The following MED29 variants were observed in gnomAD, a reference collection of about 807,000 sequenced individuals.
MED29 encodes mediator of RNA polymerase II transcription subunit 29.
In MED29, 14 loss-of-function variants were observed where a neutral mutation model predicts 22.0. The ratio of observed to expected loss-of-function variants is 0.64; its 90% confidence interval spans 0.42 to 0.99. MED29 has a LOEUF of 0.99. Among genes scored for constraint, MED29 ranks in the 50% least tolerant of loss-of-function variants. MED29 has a pLI of 0.00. For synonymous variants in MED29, 123 were observed against 107.8 expected, an observed-to-expected ratio of 1.14 and a Z score of -0.87; for missense variants, 241 against 253.7, an observed-to-expected ratio of 0.95 and a Z score of 0.34.
intron 2 of MED29, 106 bp from the exon 3 acceptor site, chr19:39,393,447 T>C: frequency 1.9e-6 from 2 of 1,047,668 alleles, no homozygotes; most frequent in Non-Finnish European, 3.0e-6. Flanking sequence ...ACTTCAGATC[T>C]CCTGGACCTG....
At position 39,391,402 on chromosome 19, in the gene MED29, C is replaced by G. The variant is rs543054374; in HGVS notation, c.-21C>G. ...GGAGAGACGCAGTCGTAACGCACTT[C>G]CGGCGGTCTACGCGAGGAAGATGGC... On this transcript the variant is annotated 5_prime_UTR_variant, in exon 1 of 4. Transcript: ENST00000315588. 6 of 1,607,726 alleles carry G rather than the reference C, an allele frequency of 3.7e-6. 1 individual carries two copies. The South Asian group carries it at 6.6e-5, about 18-fold the overall frequency.
At position 39,397,800 on chromosome 19, in the gene MED29, C is replaced by T; in HGVS notation, c.*101C>T. ...AACACAGCAGCCTCCTCTCTTCCTG[C>T]CTGAGCACCGCAGCGGGAGCCAGCA... On this transcript the variant is annotated 3_prime_UTR_variant, in exon 4 of 4. Transcript: ENST00000315588. The T allele has an allele frequency of 1.3e-6, 2 of 1,491,728 alleles. No homozygotes were observed. The highest frequency in any genetic ancestry group is 1.8e-6 in the Non-Finnish European group (2 of 1,118,496). 92.4% of individuals were successfully genotyped at this position (1,491,728 alleles called of 1,614,324 possible).
chr19:39,396,195 T>C (rs4803234), intron 3 of MED29, among the ~76,000 whole-genome samples: 146,478 of 152,324 alleles, frequency 0.96, 70,481 homozygotes, highest in East Asian at 1. Context: ...AACTCCAGCA[T>C]TTTGGGAGCC....
In MED29 at chr19:39,397,471, G is replaced by T. The variant is rs746927119; in HGVS notation, c.375G>T (p.Glu125Asp). 8 of 1,606,448 alleles carry T rather than the reference G, an allele frequency of 5.0e-6. No homozygotes were observed. The Admixed American group carries it at 1.3e-4, about 27-fold the overall frequency. Reference sequence around the variant, plus strand: ...CCTGTCCACAGCGCCTGGCGCATGAGTGCCTGTCACAGAGTTGTGACAGTG... The same window carrying T: ...CCTGTCCACAGCGCCTGGCGCATGATTGCCTGTCACAGAGTTGTGACAGTG... ...QLELCLRLAHECLSQSCDSAK... is the reference protein window; with the variant it reads ...QLELCLRLAHDCLSQSCDSAK... Residue 125 changes from glutamate to aspartate, a missense_variant, in exon 4 of 4, where the codon GAG (glutamate) becomes GAT (aspartate). Physicochemically the swap from Glu to Asp is conservative, Grantham distance 45. Transcript: ENST00000315588.
chr19:39,397,332 C>A (rs1600627514), intron 3 of MED29, 125 bp from the exon 4 acceptor site: 1 of 1,046,982 alleles, frequency 9.6e-7, no homozygotes, highest in East Asian at 2.4e-5. Flanking sequence ...ACTGGCAGGG[C>A]CAACCTCTGA....
chr19:39,391,383 A>T lies in MED29; in HGVS notation c.-40A>T. ...GGATGCTGAAAAGCAACGGGGAGAG[A>T]CGCAGTCGTAACGCACTTCCGGCGG... is the stretch of plus-strand genomic sequence containing the variant. On this transcript the variant is annotated 5_prime_UTR_variant, in exon 1 of 4. Transcript: ENST00000315588. The T allele has an allele frequency of 6.2e-7, 1 of 1,600,788 alleles. No homozygotes were observed. The highest frequency in any genetic ancestry group is 1.1e-5 in the South Asian group (1 of 90,650).
rs143502478 is a variant in MED29, at chr19:39,397,488, G to T, written c.392G>T (p.Cys131Phe). The T allele has an allele frequency of 2.0e-5, 32 of 1,609,252 alleles. No homozygotes were observed. The African/African-American group carries it at 3.9e-4, about 19-fold the overall frequency. The change falls in exon 4 of 4, where the codon TGT (cysteine) becomes TTT (phenylalanine). Residue 131 changes from cysteine to phenylalanine, a missense_variant. Transcript: ENST00000315588. ...GCGCATGAGTGCCTGTCACAGAGTT[G>T]TGACAGTGCCAAGCACTCTCCAACG... ...RLAHECLSQSCDSAKHSPTLV... is the reference protein window; with the variant it reads ...RLAHECLSQSFDSAKHSPTLV...
In MED29 at chr19:39,392,452, T is replaced by C. The variant is rs1159217101; in HGVS notation, c.217-12T>C. On this transcript the variant is annotated splice_polypyrimidine_tract_variant and intron_variant, in intron 1 of 3. Coordinates refer to ENST00000315588, the MANE Select transcript of MED29 (RefSeq NM_017592.4). ...TTCCATTTCCCACGTGTTTTGTTTT[T>C]GTTTTGACTAGACCTTGATGAAGGT... is the stretch of plus-strand genomic sequence containing the variant. The C allele has an allele frequency of 6.2e-7, 1 of 1,613,922 alleles. No individual in the cohort carries two copies. The highest frequency in any genetic ancestry group is 1.7e-5 in the Admixed American group (1 of 60,020).
intron 2 of MED29, 56 bp downstream of exon 2, chr19:39,392,578 C>A: frequency 1.2e-4 from 159 of 1,345,262 alleles, no homozygotes; most frequent in Non-Finnish European, 1.6e-4. Flanking sequence ...CTTTGAAATT[C>A]ATCTTTCCTT....
chr19:39,395,052 C>A (rs1057258072), intron 3 of MED29, among the ~76,000 whole-genome samples: 1 of 151,910 alleles, frequency 6.6e-6, no homozygotes. Flanking sequence ...CGGGGTTTTG[C>A]CATGTTGCTC....
chr19:39,391,444 G>A lies in MED29; in HGVS notation c.22G>A (p.Ala8Thr). Residue 8 changes from alanine to threonine, a missense_variant, in exon 1 of 4, where the codon GCT becomes ACT. Coordinates refer to ENST00000315588, the MANE Select transcript of MED29 (RefSeq NM_017592.4). MAASQQQ[A>T]SAASSAAGVS... ...GAAGATGGCTGCATCCCAGCAGCAA[G>A]CTTCAGCGGCTTCCTCAGCTGCTGG... is the stretch of plus-strand genomic sequence containing the variant. 1 of 1,613,238 alleles carries A rather than the reference G, an allele frequency of 6.2e-7. No individual in the cohort carries two copies. The highest frequency in any genetic ancestry group is 8.5e-7 in the Non-Finnish European group (1 of 1,179,398).
rs2078456616 is a variant in MED29, at chr19:39,400,518, G to A, written c.*2819G>A. ...ATGAAATGTAACATCTGCATATGGA[G>A]AATCGTGTTACTTTATTGAAAAACA... On this transcript the variant is annotated 3_prime_UTR_variant, in exon 4 of 4. Coordinates refer to ENST00000315588, the MANE Select transcript of MED29 (RefSeq NM_017592.4). 1 of 152,224 alleles carries A rather than the reference G, an allele frequency of 6.6e-6. No homozygotes were observed. The highest frequency in any genetic ancestry group is 2.1e-4 in the South Asian group (1 of 4,830). The allele number at this position is 152,224 out of a possible 1,614,324, so 9.4% of individuals were successfully genotyped here. A position where few individuals can be genotyped will look rare whatever the true frequency, so the allele number is the denominator to read the frequency against.
Position 39,399,533 on chromosome 19 carries a change from CAAAAAA to C in MED29, c.*1837_*1842del, listed in dbSNP as rs1395877947. On this transcript the variant is annotated 3_prime_UTR_variant, in exon 4 of 4. Coordinates refer to ENST00000315588, the MANE Select transcript of MED29 (RefSeq NM_017592.4). ...TGGGCGACAGGGCAAGACTCTGTCT[CAAAAAA>C]AATAAAAAACTGACCATCTAGTCCT... The C allele has an allele frequency of 6.6e-6, 1 of 151,650 alleles. No homozygotes were observed. Among genetic ancestry groups the C allele is most frequent in the Admixed American group, 6.6e-5 (1 of 15,206 alleles). 9.4% of individuals were successfully genotyped at this position (151,650 alleles called of 1,614,324 possible). A position where few individuals can be genotyped will look rare whatever the true frequency, so the allele number is the denominator to read the frequency against.
chr19:39,396,664 T>C lies in MED29; in HGVS notation c.361-793T>C, dbSNP rs574074711. On this transcript the variant is annotated intron_variant, in intron 3 of 3. Transcript: ENST00000315588. ...TCACTTGAACCCAGGAGGCAGAGGT[T>C]GCAGTGAGCCAAGATCGTGCTACTG... Among the ~76,000 whole-genome samples the C allele has an allele frequency of 7.2e-5, 11 of 151,812 alleles. No individual in the cohort carries two copies. In the South Asian group the frequency reaches 2.1e-3, roughly 29 times the overall value.
intron 3 of MED29, among the ~76,000 whole-genome samples, chr19:39,394,556 C>CTTTT (rs775465635): frequency 1.2e-4 from 8 of 69,254 alleles, no homozygotes; most frequent in Admixed American, 2.2e-4. Flanking sequence ...TGCACCCGGC[C>CTTTT]TTTTTTTTTT....
chr19:39,392,178 G>T (rs1436036153), intron 1 of MED29, among the ~76,000 whole-genome samples: 1 of 152,172 alleles, frequency 6.6e-6, no homozygotes, highest in African/African-American at 2.4e-5. Context: ...GGTCGTTAAA[G>T]CCTGAGGAGA....
intron 1 of MED29, 133 bp downstream of exon 1, chr19:39,391,771 C>T (rs2078382961): frequency 9.1e-7 from 1 of 1,098,840 alleles, no homozygotes. Context: ...GGCTGGTGCA[C>T]GCCTGTGTTC....
Position 39,397,771 on chromosome 19 carries a change from C to T in MED29, c.*72C>T, listed in dbSNP as rs1600628089. 6.5e-7 allele frequency: 1 copy of T among 1,548,746 alleles called. No individual in the cohort carries two copies. Among genetic ancestry groups the T allele is most frequent in the Non-Finnish European group, 8.7e-7 (1 of 1,149,220 alleles). On this transcript the variant is annotated 3_prime_UTR_variant, in exon 4 of 4. Coordinates refer to ENST00000315588, the MANE Select transcript of MED29 (RefSeq NM_017592.4). ...CAAAGGGAATGAAGAGCGTCCTGGG[C>T]CTAAACACAGCAGCCTCCTCTCTTC...
Position 39,393,579 on chromosome 19 carries a change from G to C in MED29, c.302G>C (p.Arg101Pro). 1 of 1,614,092 alleles carries C rather than the reference G, an allele frequency of 6.2e-7. No homozygotes were observed. The change falls in exon 3 of 4, where the codon CGC (arginine) becomes CCC (proline). Residue 101 changes from arginine to proline, a missense_variant. Arg to Pro is a moderately radical substitution (Grantham distance 103). Transcript: ENST00000315588. ...AAGAGCAGTGATGGACCCATACAGC[G>C]CTTTGACAAGTGCCTGGAAGAGTTC... is the stretch of plus-strand genomic sequence containing the variant. ...GQKSSDGPIQ[R>P]FDKCLEEFYA... is the part of the protein sequence containing the mutation.
Sources: gnomAD v4.1 joint callset for allele counts (sites outside exome capture counted in the v4.1 genomes callset) on GRCh38, gnomAD v4.1.1 for gene constraint, MANE v1.5 for transcripts, NCBI Gene and HGNC (gene_info 2026-07-23, HGNC 2026-07-21) for gene names.